SH3GL2: variants seen among roughly 807,000 people sequenced by gnomAD.
SH3GL2 encodes SH3 domain containing GRB2 like 2, endophilin A1, also known as endophilin-A1.
In SH3GL2, 24 loss-of-function variants were observed where a neutral mutation model predicts 46.0. That is an observed-to-expected ratio of 0.52 (90% confidence interval 0.38 to 0.73). The LOEUF is 0.73. SH3GL2 is among the 30% of genes least tolerant of loss of function. SH3GL2 has a pLI of 0.00. For missense variants in SH3GL2, 413 were observed against 424.2 expected (o/e 0.97, Z 0.23); for synonymous variants, 196 against 147.1 (o/e 1.33, Z -2.40).
intron 3 of SH3GL2, among the ~76,000 whole-genome samples, chr9:17,771,422 T>A (rs1588320663): frequency 6.6e-6 from 1 of 152,196 alleles, no homozygotes; most frequent in South Asian, 2.1e-4. Flanking sequence ...ACCTAGGGCA[T>A]CTCAGATGCT....
Position 17,615,548 on chromosome 9 carries a change from G to A in SH3GL2, c.45+36261G>A, listed in dbSNP as rs1012962258. ...CGGGCGCCTGTAATCCCAGCTACTC[G>A]GGAAGCTGAGGCAGGAGAAGTTCTT... On this transcript the variant is annotated intron_variant, in intron 1 of 8. Transcript: ENST00000380607. Among the ~76,000 whole-genome samples, 8 of 151,346 alleles carry A rather than the reference G, an allele frequency of 5.3e-5. No homozygotes were observed. The East Asian group carries it at 7.8e-4, about 15-fold the overall frequency.
intron 3 of SH3GL2, among the ~76,000 whole-genome samples, chr9:17,776,917 G>C (rs1413854557): frequency 1.3e-5 from 2 of 152,102 alleles, no homozygotes; most frequent in Non-Finnish European, 2.9e-5. Flanking sequence ...GCTCACACTT[G>C]GCTCCCCTGA....
chr9:17,741,538 A>T (rs1222062678), intron 1 of SH3GL2, among the ~76,000 whole-genome samples: 6 of 152,170 alleles, frequency 3.9e-5, no homozygotes, highest in Non-Finnish European at 1.5e-5. Flanking sequence ...CCTGTTTTTG[A>T]TAGAGTAAAA....
chr9:17,684,430 C>T (rs1362957582), intron 1 of SH3GL2, among the ~76,000 whole-genome samples: 2 of 151,784 alleles, frequency 1.3e-5, no homozygotes, highest in Non-Finnish European at 2.9e-5. Context: ...ACAAAAGACC[C>T]AAAAATGTTA....
chr9:17,643,020 G>A (rs562217657), intron 1 of SH3GL2, among the ~76,000 whole-genome samples: 16 of 152,300 alleles, frequency 1.1e-4, no homozygotes, highest in African/African-American at 3.8e-4. Context: ...CTGTCCACGA[G>A]CATGGAATGT....
chr9:17,647,765 A>G (rs560412063), intron 1 of SH3GL2, among the ~76,000 whole-genome samples: 14 of 152,334 alleles, frequency 9.2e-5, no homozygotes, highest in African/African-American at 3.4e-4. Context: ...GCACTCACCA[A>G]CTCAAAGAGG....
At chr9:17,615,733 A>G (rs1454058732) in intron 1 of SH3GL2, among the ~76,000 whole-genome samples, 1 of 133,232 alleles carries the variant, frequency 7.5e-6, no homozygotes, top group African/African-American at 2.9e-5. Flanking sequence ...GACGAAAGTT[A>G]AAAAAAAAAA....
At chr9:17,640,173 C>A (rs1243282820) in intron 1 of SH3GL2, among the ~76,000 whole-genome samples, 4 of 151,942 alleles carry the variant, frequency 2.6e-5, no homozygotes, top group African/African-American at 9.7e-5. Flanking sequence ...ACTTGTACCC[C>A]AGTAAAAACA....
intron 1 of SH3GL2, among the ~76,000 whole-genome samples, chr9:17,616,712 A>G (rs1331289163): frequency 6.6e-6 from 1 of 152,190 alleles, no homozygotes; most frequent in African/African-American, 2.4e-5. Flanking sequence ...AACCTTAAAA[A>G]TCGTATCATT....
intron 1 of SH3GL2, among the ~76,000 whole-genome samples, chr9:17,739,677 A>C (rs954973950): frequency 1.3e-5 from 2 of 152,190 alleles, no homozygotes. Flanking sequence ...AGGCAAAAAC[A>C]GGAAACCTTG....
chr9:17,774,052 G>A (rs919825667), intron 3 of SH3GL2, among the ~76,000 whole-genome samples: 1 of 151,910 alleles, frequency 6.6e-6, no homozygotes, highest in Non-Finnish European at 1.5e-5. Context: ...TATTCTTTTT[G>A]ATACTATTGT....
intron 3 of SH3GL2, among the ~76,000 whole-genome samples, chr9:17,774,496 G>A (rs1219913585): frequency 1.3e-5 from 2 of 151,384 alleles, no homozygotes; most frequent in Non-Finnish European, 2.9e-5. Flanking sequence ...TCATGAAAAG[G>A]TGTTGAACTT....
intron 1 of SH3GL2, among the ~76,000 whole-genome samples, chr9:17,701,542 A>T (rs4961585): frequency 0.076 from 11,530 of 152,156 alleles, 608 homozygotes; most frequent in Admixed American, 0.14. Flanking sequence ...TCATTCGATG[A>T]TATGATTGTA....
At chr9:17,703,682 C>A (rs960632141) in intron 1 of SH3GL2, among the ~76,000 whole-genome samples, 2 of 151,938 alleles carry the variant, frequency 1.3e-5, no homozygotes, top group African/African-American at 4.8e-5. Flanking sequence ...TCGTCACATA[C>A]ACAGAACTAA....
chr9:17,735,762 T>A (rs558060114), intron 1 of SH3GL2: 12 of 980,972 alleles, frequency 1.2e-5, no homozygotes, highest in Admixed American at 6.2e-5. Context: ...AGCTGGCAGC[T>A]CTTTCCACAC....
rs376280314 is a variant in SH3GL2, at chr9:17,738,641, T to TATATATAGAGAGAGAG, written c.46-8424_46-8423insTATATAGAGAGAGAGA. Among the ~76,000 whole-genome samples, 553 of 88,828 alleles carry TATATATAGAGAGAGAG rather than the reference T, an allele frequency of 6.2e-3. 10 individuals are homozygous for TATATATAGAGAGAGAG. Among genetic ancestry groups the TATATATAGAGAGAGAG allele is most frequent in the African/African-American group, 0.01 (272 of 26,816 alleles). 58.3% of individuals were successfully genotyped at this position (88,828 alleles called of 152,430 possible). A position where few individuals can be genotyped will look rare whatever the true frequency, so the allele number is the denominator to read the frequency against. ...TCATGTGATTTTATATATATATATA[T>TATATATAGAGAGAGAG]AGAGAGAGAGAGAGAGAGAGAGAGA... On this transcript the variant is annotated intron_variant, in intron 1 of 8. Coordinates refer to ENST00000380607, the MANE Select transcript of SH3GL2 (RefSeq NM_003026.5).
At chr9:17,746,270 G>A (rs879783518) in intron 1 of SH3GL2, among the ~76,000 whole-genome samples, 1 of 152,034 alleles carries the variant, frequency 6.6e-6, no homozygotes, top group Non-Finnish European at 1.5e-5. Context: ...TAGAGACGGG[G>A]TTTCACCGTG....
chr9:17,605,696 AT>A (rs1375281981), intron 1 of SH3GL2, among the ~76,000 whole-genome samples: 1 of 152,210 alleles, frequency 6.6e-6, no homozygotes, highest in East Asian at 1.9e-4. Flanking sequence ...CAGTGTACAT[AT>A]GTTTTCAGAT....
At chr9:17,615,264 A>G (rs1049219062) in intron 1 of SH3GL2, among the ~76,000 whole-genome samples, 2 of 152,206 alleles carry the variant, frequency 1.3e-5, no homozygotes, top group Non-Finnish European at 2.9e-5. Flanking sequence ...AGGAATTCTC[A>G]GATAAATCCA....
Sources: gnomAD v4.1 joint callset for allele counts (sites outside exome capture counted in the v4.1 genomes callset) on GRCh38, gnomAD v4.1.1 for gene constraint, MANE v1.5 for transcripts, NCBI Gene and HGNC (gene_info 2026-07-23, HGNC 2026-07-21) for gene names.